The following AFAP1 variants were observed in gnomAD, a reference collection of about 807,000 sequenced individuals.
The protein encoded by AFAP1 is actin filament-associated protein 1.
A neutral mutation model predicts 93.9 loss-of-function variants in AFAP1; 75 were observed. That is an observed-to-expected ratio of 0.80 (90% confidence interval 0.66 to 0.97). AFAP1 has a LOEUF of 0.97. Among genes scored for constraint, AFAP1 ranks in the 50% least tolerant of loss-of-function variants. The probability of loss-of-function intolerance (pLI) is 0.00; values close to 1 mark genes in which losing one functional copy is unlikely to be tolerated. For synonymous variants in AFAP1, 517 were observed against 430.7 expected (o/e 1.20, Z -2.48); for missense variants, 1,201 against 1,050.8 (o/e 1.14, Z -1.98).
chr4:7,915,663 A>G (rs1384304121), intron 1 of AFAP1, among the ~76,000 whole-genome samples: 1 of 152,216 alleles, frequency 6.6e-6, no homozygotes, highest in Non-Finnish European at 1.5e-5. Flanking sequence ...CTTTGAGCTC[A>G]ACTTCCTCAA....
chr4:7,762,504 A>AAGTT lies in AFAP1; in HGVS notation c.*1257_*1260dup, dbSNP rs1713960006. ...TGACAGCAGCCTCCGGGAGACCAAG[A>AAGTT]AGTTAATCTGATTTTTAAACCCAGG... On this transcript the variant is annotated 3_prime_UTR_variant, in exon 18 of 18. Coordinates refer to ENST00000420658, the MANE Select transcript of AFAP1 (RefSeq NM_001134647.2). The AAGTT allele has an allele frequency of 1.3e-5, 2 of 152,244 alleles. No homozygotes were observed. Among genetic ancestry groups the AAGTT allele is most frequent in the Admixed American group, 1.3e-4 (2 of 15,284 alleles). 9.4% of individuals were successfully genotyped at this position (152,244 alleles called of 1,614,324 possible).
chr4:7,802,217 G>T (rs1174843590), intron 9 of AFAP1, among the ~76,000 whole-genome samples: 2 of 152,168 alleles, frequency 1.3e-5, no homozygotes, highest in East Asian at 3.8e-4. Context: ...GCTTCTTCTG[G>T]AACTAAAACT....
chr4:7,886,625 G>A (rs144499038), intron 1 of AFAP1, among the ~76,000 whole-genome samples: 2 of 152,196 alleles, frequency 1.3e-5, no homozygotes, highest in African/African-American at 4.8e-5. Flanking sequence ...ACCCTTAAAA[G>A]TCAGATTAAT....
intron 15 of AFAP1, 183 bp from the exon 16 acceptor site, chr4:7,773,193 C>G: frequency 1.0e-6 from 1 of 955,728 alleles, no homozygotes; most frequent in East Asian, 2.7e-5. Context: ...CTTCTCCTAC[C>G]ATTTCCCTTT....
rs1717224324 is a variant in AFAP1 at position 7,786,064 on chromosome 4, A to G, written c.1530+130T>C. 3 of 738,366 alleles carry G rather than the reference A, an allele frequency of 4.1e-6. No homozygotes were observed. The South Asian group carries it at 5.5e-5, about 13-fold the overall frequency. 45.7% of individuals were successfully genotyped at this position (738,366 alleles called of 1,614,324 possible). A position where few individuals can be genotyped will look rare whatever the true frequency, so the allele number is the denominator to read the frequency against. Reference sequence around the variant, plus strand: ...AACCAGGAGAACAGAGATGAGATGGAGTCTCCTTGCCTCAGAGCATTAAAA... The same window carrying G: ...AACCAGGAGAACAGAGATGAGATGGGGTCTCCTTGCCTCAGAGCATTAAAA... On this transcript the variant is annotated intron_variant, in intron 12 of 17. Coordinates refer to ENST00000420658, the MANE Select transcript of AFAP1 (RefSeq NM_001134647.2).
intron 11 of AFAP1, among the ~76,000 whole-genome samples, chr4:7,788,401 G>C (rs1284052264): frequency 6.6e-6 from 1 of 152,262 alleles, no homozygotes; most frequent in Admixed American, 6.5e-5. Context: ...AGCAGTGCGG[G>C]CCGCGGAAAT....
chr4:7,766,264 G>A (rs1236417981), intron 17 of AFAP1, among the ~76,000 whole-genome samples: 1 of 152,170 alleles, frequency 6.6e-6, no homozygotes, highest in Non-Finnish European at 1.5e-5. Context: ...GGACAGCTAT[G>A]TGGGCCGTTG....
intron 17 of AFAP1, among the ~76,000 whole-genome samples, chr4:7,767,434 G>C (rs181379602): frequency 1.3e-5 from 2 of 152,180 alleles, no homozygotes; most frequent in Non-Finnish European, 2.9e-5. Flanking sequence ...TCTCATCTGC[G>C]AGTCCTAAGT....
rs571273868 is a variant in AFAP1, at chr4:7,759,965, G to A, written c.*3800C>T. On this transcript the variant is annotated 3_prime_UTR_variant, in exon 18 of 18. Transcript: ENST00000420658. Reference sequence around the variant, plus strand: ...CACAGCACCTCACCTGGGTGGCAAAGTCTGTGGGCAAAATTTACATCCCCC... The same window carrying A: ...CACAGCACCTCACCTGGGTGGCAAAATCTGTGGGCAAAATTTACATCCCCC... 26 of 152,368 alleles carry A rather than the reference G, an allele frequency of 1.7e-4. No individual in the cohort carries two copies. Among genetic ancestry groups the A allele is most frequent in the Middle Eastern group, 3.4e-3 (1 of 294 alleles). 9.4% of individuals were successfully genotyped at this position (152,368 alleles called of 1,614,324 possible).
intron 9 of AFAP1, among the ~76,000 whole-genome samples, chr4:7,801,265 G>C (rs532789448): frequency 6.6e-6 from 1 of 152,294 alleles, no homozygotes; most frequent in Non-Finnish European, 1.5e-5. Flanking sequence ...CCGCCTTCCT[G>C]CTCCTCAAAC....
At chr4:7,897,418 TCTC>T (rs1355693144) in intron 1 of AFAP1, among the ~76,000 whole-genome samples, 5 of 152,324 alleles carry the variant, frequency 3.3e-5, no homozygotes, top group Non-Finnish European at 7.3e-5. Flanking sequence ...AGATGCTTCT[TCTC>T]CTTGATCACA....
chr4:7,857,767 G>A (rs377341474), intron 3 of AFAP1, among the ~76,000 whole-genome samples: 1 of 152,158 alleles, frequency 6.6e-6, no homozygotes, highest in African/African-American at 2.4e-5. Context: ...TTCATGTCCT[G>A]GAAAAGCACG....
At chr4:7,922,510 C>T (rs1381855402) in intron 1 of AFAP1, among the ~76,000 whole-genome samples, 3 of 152,124 alleles carry the variant, frequency 2.0e-5, no homozygotes, top group South Asian at 2.1e-4. Context: ...GATGAAGAGA[C>T]GAGAAAGTAT....
intron 1 of AFAP1, among the ~76,000 whole-genome samples, chr4:7,937,533 C>G (rs1721460010): frequency 2.0e-5 from 3 of 152,224 alleles, no homozygotes; most frequent in Non-Finnish European, 4.4e-5. Context: ...ATCGCCCAGG[C>G]TGGAGTGCAG....
At chr4:7,770,998 G>T (rs1202200255) in intron 16 of AFAP1, among the ~76,000 whole-genome samples, 1 of 152,234 alleles carries the variant, frequency 6.6e-6, no homozygotes, top group Non-Finnish European at 1.5e-5. Context: ...TATGCTGGAT[G>T]AGGGACTGGG....
chr4:7,770,415 G>A (rs1025694482), intron 16 of AFAP1, among the ~76,000 whole-genome samples: 1 of 152,148 alleles, frequency 6.6e-6, no homozygotes, highest in African/African-American at 2.4e-5. Flanking sequence ...GATGAAAGCA[G>A]GTGCAATGGG....
At chr4:7,824,776 G>A (rs1721284001) in intron 6 of AFAP1, among the ~76,000 whole-genome samples, 1 of 152,150 alleles carries the variant, frequency 6.6e-6, no homozygotes, top group South Asian at 2.1e-4. Flanking sequence ...GGGGGATGGC[G>A]AGAAATTGGT....
At chr4:7,815,733 C>A (rs1720410787) in intron 8 of AFAP1, among the ~76,000 whole-genome samples, 1 of 152,134 alleles carries the variant, frequency 6.6e-6, no homozygotes, top group Admixed American at 6.5e-5. Context: ...AAGAAATAAC[C>A]AGCTGTGAGT....
chr4:7,782,018 C>T (rs527841331), intron 12 of AFAP1, among the ~76,000 whole-genome samples: 22 of 152,250 alleles, frequency 1.4e-4, no homozygotes, highest in Middle Eastern at 3.4e-3. Context: ...GTTCTCCTAG[C>T]GCAGGGCGTG....
Sources: allele counts gnomAD v4.1 joint callset (sites outside exome capture counted in the v4.1 genomes callset), GRCh38; gene constraint gnomAD v4.1.1; transcripts MANE v1.5; gene names NCBI Gene and HGNC (gene_info 2026-07-23, HGNC 2026-07-21).